The following GLIPR1L2 variants were observed in gnomAD, a reference collection of about 807,000 sequenced individuals.
GLIPR1L2 encodes the protein GLIPR1-like protein 2.
A neutral mutation model predicts 28.4 loss-of-function variants in GLIPR1L2; 21 were observed. The ratio of observed to expected loss-of-function variants is 0.74; its 90% CI spans 0.52 to 1.06. GLIPR1L2 has a LOEUF of 1.06. Ranked by LOEUF, GLIPR1L2 falls within the 50% of genes least tolerant of loss-of-function variation. The pLI is 0.00. For synonymous variants in GLIPR1L2, 145 were observed against 139.3 expected (o/e 1.04, Z -0.29); for missense variants, 476 against 416.9 (o/e 1.14, Z -1.23).
At chr12:75,391,708 T>A (rs1433503118) in intron 1 of GLIPR1L2, 3 of 411,380 alleles carry the variant, frequency 7.3e-6, no homozygotes, top group Non-Finnish European at 1.3e-5. Flanking sequence ...TGTTAAAAAA[T>A]TTAACAAAGA....
intron 1 of GLIPR1L2, among the ~76,000 whole-genome samples, chr12:75,402,703 A>C (rs1328211799): frequency 6.6e-6 from 1 of 152,206 alleles, no homozygotes; most frequent in Non-Finnish European, 1.5e-5. Flanking sequence ...GTGTTATTGC[A>C]AATCACACCT....
At chr12:75,420,743 G>A (rs1006758577) in intron 3 of GLIPR1L2, among the ~76,000 whole-genome samples, 1 of 152,164 alleles carries the variant, frequency 6.6e-6, no homozygotes. Context: ...TCAGACTCAA[G>A]TTAATTTAGG....
chr12:75,430,913 T>G lies in GLIPR1L2; in HGVS notation c.787T>G (p.Cys263Gly). 2 of 1,535,806 alleles carry G rather than the reference T, an allele frequency of 1.3e-6. No individual in the cohort carries two copies. The highest frequency in any genetic ancestry group is 2.4e-5 in the South Asian group (2 of 84,044). ...CTFILLLRIL[C>G]FILCVITVLI... Reference sequence around the variant, plus strand: ...ATTCATTTTATTATTGAGAATATTATGTTTTATCCTGTGTGTCATAACTGT... The same window carrying G: ...ATTCATTTTATTATTGAGAATATTAGGTTTTATCCTGTGTGTCATAACTGT... The change falls in exon 6 of 6, where the codon TGT becomes GGT. Residue 263 changes from cysteine to glycine, a missense_variant. Cys to Gly is a radical substitution (Grantham distance 159, BLOSUM62 -3). Transcript: ENST00000550916.
chr12:75,420,093 A>G (rs2045961818), intron 3 of GLIPR1L2, among the ~76,000 whole-genome samples: 1 of 152,206 alleles, frequency 6.6e-6, no homozygotes, highest in Non-Finnish European at 1.5e-5. Context: ...AAATGAAACG[A>G]GTTGTAAGTA....
rs1360612248 is a variant in GLIPR1L2, at chr12:75,426,256, A to G, written c.670+3267A>G. 2.0e-5 allele frequency among the ~76,000 whole-genome samples: 3 copies of G among 152,214 alleles called. No homozygotes were observed. The East Asian group carries it at 5.8e-4, about 29-fold the overall frequency. ...TCTTAAAGCATCCAAGCAAAAATGTAAGATCAGTTATTAAGAAGTTTAACA... is the reference window on the plus strand; with the variant it reads ...TCTTAAAGCATCCAAGCAAAAATGTGAGATCAGTTATTAAGAAGTTTAACA... On this transcript the variant is annotated intron_variant, in intron 4 of 5. Transcript: ENST00000550916.
At position 75,431,410 on chromosome 12, in the gene GLIPR1L2, G is replaced by T; in HGVS notation, c.*249G>T. The T allele has an allele frequency of 2.9e-6, 1 of 344,530 alleles. No individual in the cohort carries two copies. Among genetic ancestry groups the T allele is most frequent in the Non-Finnish European group, 5.2e-6 (1 of 192,258 alleles). 21.3% of individuals were successfully genotyped at this position (344,530 alleles called of 1,614,324 possible). A position where few individuals can be genotyped will look rare whatever the true frequency, so the allele number is the denominator to read the frequency against. Reference sequence around the variant, plus strand: ...CTAAGAACAGATAAAGACATGACAGGAAAAACACTGAAAAACATTTGACCA... The same window carrying T: ...CTAAGAACAGATAAAGACATGACAGTAAAAACACTGAAAAACATTTGACCA... On this transcript the variant is annotated 3_prime_UTR_variant, in exon 6 of 6. Coordinates refer to ENST00000550916, the MANE Select transcript of GLIPR1L2 (RefSeq NM_001270396.2).
intron 3 of GLIPR1L2, among the ~76,000 whole-genome samples, chr12:75,418,980 A>G (rs1048279676): frequency 4.6e-5 from 7 of 151,810 alleles, no homozygotes; most frequent in African/African-American, 1.7e-4. Flanking sequence ...ACATGGACAC[A>G]GGGAGGGGAA....
At chr12:75,420,974 A>G (rs2069085479) in intron 3 of GLIPR1L2, among the ~76,000 whole-genome samples, 2 of 152,152 alleles carry the variant, frequency 1.3e-5, no homozygotes, top group Admixed American at 1.3e-4. Flanking sequence ...CAGTTTTTCC[A>G]CACTACAGAT....
intron 1 of GLIPR1L2, among the ~76,000 whole-genome samples, chr12:75,396,299 G>A (rs2045680973): frequency 6.6e-6 from 1 of 152,050 alleles, no homozygotes; most frequent in Non-Finnish European, 1.5e-5. Flanking sequence ...TAAGTACTGG[G>A]ACTACAGGTA....
chr12:75,430,884 G>A lies in GLIPR1L2; in HGVS notation c.758G>A (p.Cys253Tyr), dbSNP rs1400869924. ...MPRPVVCDPL[C>Y]TFILLLRILC... The stretch of plus-strand genomic sequence containing the variant: ...CGGCCAGTTGTGTGTGATCCACTGT[G>A]CACATTCATTTTATTATTGAGAATA... The change falls in exon 6 of 6, where the codon TGC becomes TAC. Residue 253 changes from cysteine (C) to tyrosine (Y), a missense_variant. Coordinates refer to ENST00000550916, the MANE Select transcript of GLIPR1L2 (RefSeq NM_001270396.2). 6.5e-7 allele frequency: 1 copy of A among 1,535,812 alleles called. No individual in the cohort carries two copies. The highest frequency in any genetic ancestry group is 1.4e-5 in the African/African-American group (1 of 73,034).
At chr12:75,396,649 T>G (rs1311438053) in intron 1 of GLIPR1L2, among the ~76,000 whole-genome samples, 1 of 152,222 alleles carries the variant, frequency 6.6e-6, no homozygotes, top group East Asian at 1.9e-4. Flanking sequence ...GTTCCCACAG[T>G]ATGGTTCCTA....
Position 75,391,366 on chromosome 12 carries a change from G to A in GLIPR1L2, c.234+16G>A, listed in dbSNP as rs751064140. ...GCGCTTCATGGTGAGGCCGGAAGGC[G>A]GTTTGCCGACCCTTCCACTACCGTT... is the stretch of plus-strand genomic sequence containing the variant. On this transcript the variant is annotated intron_variant, in intron 1 of 5. Transcript: ENST00000550916. The A allele has an allele frequency of 6.2e-7, 1 of 1,611,404 alleles. No individual in the cohort carries two copies.
intron 1 of GLIPR1L2, among the ~76,000 whole-genome samples, chr12:75,392,962 T>C (rs924821184): frequency 1.3e-5 from 2 of 152,092 alleles, no homozygotes; most frequent in African/African-American, 4.8e-5. Context: ...TCTATCATAA[T>C]AGTATGGCCT....
chr12:75,405,329 A>G (rs2045785599), intron 1 of GLIPR1L2, among the ~76,000 whole-genome samples: 1 of 152,220 alleles, frequency 6.6e-6, no homozygotes, highest in African/African-American at 2.4e-5. Context: ...TGAGACCGTC[A>G]TTACAAGACT....
At chr12:75,393,678 T>G (rs1360309692) in intron 1 of GLIPR1L2, among the ~76,000 whole-genome samples, 1 of 152,136 alleles carries the variant, frequency 6.6e-6, no homozygotes, top group East Asian at 1.9e-4. Context: ...ATTATTTGGC[T>G]GTTGTGAATA....
At chr12:75,428,242 A>C (rs2046053803) in intron 4 of GLIPR1L2, among the ~76,000 whole-genome samples, 1 of 152,196 alleles carries the variant, frequency 6.6e-6, no homozygotes, top group Non-Finnish European at 1.5e-5. Context: ...AACTGGAATA[A>C]AGGTCATTCT....
intron 3 of GLIPR1L2, among the ~76,000 whole-genome samples, chr12:75,416,639 C>G (rs1438641484): frequency 1.3e-5 from 2 of 151,994 alleles, no homozygotes; most frequent in Non-Finnish European, 1.5e-5. Flanking sequence ...ACTGACAGTT[C>G]CATTAGATGA....
At chr12:75,403,341 T>C (rs942799578) in intron 1 of GLIPR1L2, among the ~76,000 whole-genome samples, 1 of 152,224 alleles carries the variant, frequency 6.6e-6, no homozygotes, top group Non-Finnish European at 1.5e-5. Flanking sequence ...CACTTATCAA[T>C]CCTGGACTGA....
intron 1 of GLIPR1L2, among the ~76,000 whole-genome samples, chr12:75,399,996 C>G (rs1018543201): frequency 6.6e-6 from 1 of 152,078 alleles, no homozygotes. Flanking sequence ...TTAATATTAA[C>G]AAATTATTGG....
Sources: gnomAD v4.1 joint callset for allele counts (sites outside exome capture counted in the v4.1 genomes callset) on GRCh38, gnomAD v4.1.1 for gene constraint, MANE v1.5 for transcripts, NCBI Gene and HGNC (gene_info 2026-07-23, HGNC 2026-07-21) for gene names.